Variants in SV2B observed in about 807,000 individuals in gnomAD.
The protein encoded by SV2B is synaptic vesicle glycoprotein 2B, also known as solute carrier family 22 member B2.
A neutral mutation model predicts 73.9 loss-of-function variants in SV2B; 41 were observed. The observed-to-expected ratio is 0.56, with a 90% CI of 0.43 to 0.72. SV2B has a LOEUF of 0.72. Among genes scored for constraint, SV2B ranks in the 30% least tolerant of loss-of-function variants. The pLI is 0.00. For missense variants in SV2B, 764 were observed against 857.8 expected (o/e 0.89, Z 1.37); for synonymous variants, 314 against 314.2 (o/e 1.00, Z 0.01).
rs369978532 is a variant in SV2B, at chr15:91,224,448, T to C, written c.-391-1425T>C. Among the ~76,000 whole-genome samples the C allele has an allele frequency of 1.8e-4, 28 of 152,278 alleles. No homozygotes were observed. The highest frequency in any genetic ancestry group is 6.7e-4 in the African/African-American group (28 of 41,550). ...CTGACGCCTAGCCCTGAGGGGCTAC[T>C]CAGTGAGGCGGGGCCTCAGAGCCAC... On this transcript the variant is annotated intron_variant, in intron 1 of 12. Coordinates refer to ENST00000394232, the MANE Select transcript of SV2B (RefSeq NM_001323032.3). The surrounding 1 kb of genome is among the most constrained non-coding windows in gnomAD (Gnocchi z 4.9).
chr15:91,182,100 T>C (rs562341191), intron 1 of SV2B, among the ~76,000 whole-genome samples: 1 of 152,220 alleles, frequency 6.6e-6, no homozygotes, highest in Non-Finnish European at 1.5e-5. Flanking sequence ...AAAAGTGCAT[T>C]CAAAGTAAAA....
At chr15:91,159,047 G>T (rs1479458575) in intron 1 of SV2B, among the ~76,000 whole-genome samples, 1 of 152,068 alleles carries the variant, frequency 6.6e-6, no homozygotes, top group African/African-American at 2.4e-5. Flanking sequence ...GCGTGATGAG[G>T]CTGAGTAGAT....
rs1239908267 is a variant in SV2B at position 91,136,394 on chromosome 15, G to T, written c.-392+36031G>T. 6.6e-6 allele frequency among the ~76,000 whole-genome samples: 1 copy of T among 152,196 alleles called. No homozygotes were observed. The highest frequency in any genetic ancestry group is 6.5e-5 in the Admixed American group (1 of 15,288). ...TTTGTGGGTGACTTACTCTCTAGGG[G>T]CCTTAGGTATATTCTCGGAGAGAGA... On this transcript the variant is annotated intron_variant, in intron 1 of 12. Transcript: ENST00000394232. The surrounding 1 kb of genome is among the most constrained non-coding windows in gnomAD (Gnocchi z 5.6).
Position 91,122,749 on chromosome 15 carries a change from C to T in SV2B, c.-392+22386C>T, listed in dbSNP as rs947036494. 1.3e-5 allele frequency among the ~76,000 whole-genome samples: 2 copies of T among 152,014 alleles called. No individual in the cohort carries two copies. The highest frequency in any genetic ancestry group is 4.8e-5 in the African/African-American group (2 of 41,340). On this transcript the variant is annotated intron_variant, in intron 1 of 12. Transcript: ENST00000394232. The surrounding 1 kb of genome is among the most constrained non-coding windows in gnomAD (Gnocchi z 4.3). ...GGATATTACATTAAATGAAATACGC[C>T]GGGCACAGAGAGACAAACACTGCCT...
At chr15:91,273,892 A>G (rs530119405) in intron 9 of SV2B, among the ~76,000 whole-genome samples, 52 of 152,330 alleles carry the variant, frequency 3.4e-4, no homozygotes, top group Admixed American at 5.9e-4. Flanking sequence ...ATACATGTGT[A>G]TCATAAACAT....
chr15:91,134,173 A>G (rs1028813932), intron 1 of SV2B, among the ~76,000 whole-genome samples: 1 of 151,244 alleles, frequency 6.6e-6, no homozygotes, highest in African/African-American at 2.4e-5. Flanking sequence ...TAATTTTTGT[A>G]TTTTTAGTAG....
chr15:91,104,105 G>A (rs1027353452), intron 1 of SV2B, among the ~76,000 whole-genome samples: 12 of 152,180 alleles, frequency 7.9e-5, no homozygotes, highest in Non-Finnish European at 5.9e-5. Flanking sequence ...CCTTGCCAAC[G>A]GGACTACAGA....
chr15:91,167,487 A>G (rs1006241747), intron 1 of SV2B, among the ~76,000 whole-genome samples: 1 of 152,206 alleles, frequency 6.6e-6, no homozygotes, highest in African/African-American at 2.4e-5. Context: ...TTCCATATTT[A>G]GAGGTGCCTG....
At chr15:91,271,977 A>G (rs2048332094) in intron 9 of SV2B, among the ~76,000 whole-genome samples, 1 of 152,158 alleles carries the variant, frequency 6.6e-6, no homozygotes, top group Non-Finnish European at 1.5e-5. Flanking sequence ...TTTTTTGTAA[A>G]CAGAGCTTCA....
chr15:91,139,002 G>A lies in SV2B; in HGVS notation c.-392+38639G>A, dbSNP rs1415465327. 2.6e-5 allele frequency among the ~76,000 whole-genome samples: 4 copies of A among 152,214 alleles called. No individual in the cohort carries two copies. Among genetic ancestry groups the A allele is most frequent in the African/African-American group, 4.8e-5 (2 of 41,444 alleles). On this transcript the variant is annotated intron_variant, in intron 1 of 12. Transcript: ENST00000394232. This position sits in a 1 kb window ranked among gnomAD's most constrained non-coding sequence, Gnocchi z 5.2. ...TCAACAATTAAACCAGTGAAATTAC[G>A]AGACGATTAGGGAAATGTGAACACT...
chr15:91,273,252 C>T (rs1360350591), intron 9 of SV2B, among the ~76,000 whole-genome samples: 2 of 152,158 alleles, frequency 1.3e-5, no homozygotes, highest in African/African-American at 4.8e-5. Flanking sequence ...CAGAAAGTTG[C>T]CAAGGCTGGG....
intron 1 of SV2B, among the ~76,000 whole-genome samples, 180 bp from the exon 2 acceptor site, chr15:91,225,693 C>T (rs2046351846): frequency 6.6e-6 from 1 of 152,178 alleles, no homozygotes; most frequent in Non-Finnish European, 1.5e-5. Context: ...TCTCCTTTAG[C>T]CTCCACTCTC....
At chr15:91,177,892 C>G (rs1482202680) in intron 1 of SV2B, among the ~76,000 whole-genome samples, 2 of 146,720 alleles carry the variant, frequency 1.4e-5, no homozygotes, top group South Asian at 2.1e-4. Context: ...ATTTCCTTCT[C>G]CTGCCTAATT....
rs974789099 is a variant in SV2B at position 91,294,519 on chromosome 15, C to T, written c.*1967C>T. The T allele has an allele frequency of 3.9e-5, 6 of 152,082 alleles. No individual in the cohort carries two copies. The highest frequency in any genetic ancestry group is 7.3e-5 in the Non-Finnish European group (5 of 68,034). The allele number at this position is 152,082 out of a possible 1,614,324, so 9.4% of individuals were successfully genotyped here. ...TATAGGAGTACTAACATTTATTGCT[C>T]TGTCAATAATGAAAGGCTCGATGTA... is the stretch of plus-strand genomic sequence containing the variant. On this transcript the variant is annotated 3_prime_UTR_variant, in exon 13 of 13. Transcript: ENST00000394232. This position sits in a 1 kb window ranked among gnomAD's most constrained non-coding sequence, Gnocchi z 4.1.
chr15:91,219,125 G>A (rs1457057377), intron 1 of SV2B, among the ~76,000 whole-genome samples: 1 of 151,830 alleles, frequency 6.6e-6, no homozygotes, highest in Non-Finnish European at 1.5e-5. Context: ...ATTTTTGTAC[G>A]ATTTTCAGAG....
At chr15:91,165,114 A>T (rs1313788906) in intron 1 of SV2B, among the ~76,000 whole-genome samples, 1 of 152,104 alleles carries the variant, frequency 6.6e-6, no homozygotes, top group Non-Finnish European at 1.5e-5. Flanking sequence ...AGGTGGGTGG[A>T]TCACCTGAGG....
chr15:91,196,635 A>G (rs1381507504), intron 1 of SV2B, among the ~76,000 whole-genome samples: 1 of 152,262 alleles, frequency 6.6e-6, no homozygotes, highest in Non-Finnish European at 1.5e-5. Flanking sequence ...GATTAAAGGC[A>G]GGTGGATTCA....
chr15:91,195,046 C>T (rs2045195071), intron 1 of SV2B, among the ~76,000 whole-genome samples: 1 of 152,170 alleles, frequency 6.6e-6, no homozygotes, highest in Non-Finnish European at 1.5e-5. Context: ...GAGAAACAAA[C>T]TCTTACTTGT....
chr15:91,162,373 A>T (rs1596499503), intron 1 of SV2B, among the ~76,000 whole-genome samples: 1 of 152,230 alleles, frequency 6.6e-6, no homozygotes. Context: ...GTTTGAATAT[A>T]TTTTGCTACA....
Sources: allele counts gnomAD v4.1 joint callset (sites outside exome capture counted in the v4.1 genomes callset), GRCh38; gene constraint gnomAD v4.1.1; non-coding constraint Gnocchi (gnomAD v3.1); transcripts MANE v1.5; gene names NCBI Gene and HGNC (gene_info 2026-07-23, HGNC 2026-07-21).